KSR2: variants seen among roughly 807,000 people sequenced by gnomAD.
The protein encoded by KSR2 is kinase suppressor of ras 2.
A neutral mutation model predicts 107.8 loss-of-function variants in KSR2; 25 were observed. That is an observed-to-expected ratio of 0.23 (90% CI 0.17 to 0.32). KSR2 has a LOEUF of 0.32. Among genes scored for constraint, KSR2 ranks in the 10% least tolerant of loss-of-function variants. KSR2 has a pLI of 1.00. For synonymous variants in KSR2, 480 were observed against 507.0 expected, an observed-to-expected ratio of 0.95 and a Z score of 0.71; for missense variants, 887 against 1,268.9, an observed-to-expected ratio of 0.70 and a Z score of 4.57.
At chr12:117,569,958 T>G (rs1363918411) in intron 7 of KSR2, among the ~76,000 whole-genome samples, 2 of 151,536 alleles carry the variant, frequency 1.3e-5, no homozygotes, top group East Asian at 3.9e-4. Flanking sequence ...AGCTCTCTCC[T>G]GGGGGCAGTT....
intron 3 of KSR2, among the ~76,000 whole-genome samples, chr12:117,779,960 T>A (rs1889828156): frequency 1.3e-5 from 2 of 152,206 alleles, no homozygotes; most frequent in South Asian, 4.1e-4. Flanking sequence ...AGACACCTAC[T>A]TATACACCAG....
At chr12:117,580,263 T>G (rs1021063531) in intron 6 of KSR2, among the ~76,000 whole-genome samples, 4 of 152,184 alleles carry the variant, frequency 2.6e-5, no homozygotes, top group Admixed American at 2.0e-4. Context: ...CAAAGACACT[T>G]ACTGCCAAGA....
rs376819597 is a variant in KSR2, at chr12:117,561,438, A to G, written c.1326-2865T>C. Among the ~76,000 whole-genome samples, 52 of 152,340 alleles carry G rather than the reference A, an allele frequency of 3.4e-4. No individual in the cohort carries two copies. In the South Asian group the frequency reaches 0.011, roughly 32 times the overall value. On this transcript the variant is annotated intron_variant, in intron 7 of 19. Coordinates refer to ENST00000339824, the MANE Select transcript of KSR2 (RefSeq NM_173598.6). ...AATCCTCATAACAGCCCTAAGAAGT[A>G]GCAATTATTGTTAGTCCCATTTTAC...
intron 3 of KSR2, among the ~76,000 whole-genome samples, chr12:117,778,757 A>G (rs868394476): frequency 3.9e-5 from 6 of 152,326 alleles, no homozygotes; most frequent in African/African-American, 1.2e-4. Context: ...TGCTTGCACA[A>G]GAGAGTCCAC....
At chr12:117,893,017 A>ATTT (rs1158068448) in intron 1 of KSR2, among the ~76,000 whole-genome samples, 9 of 136,854 alleles carry the variant, frequency 6.6e-5, no homozygotes, top group African/African-American at 2.4e-4. Context: ...ACCCTGTGTA[A>ATTT]TTTTTTTTTT....
chr12:117,643,920 A>AT (rs1169804778), intron 5 of KSR2, among the ~76,000 whole-genome samples: 1 of 152,150 alleles, frequency 6.6e-6, no homozygotes, highest in Non-Finnish European at 1.5e-5. Flanking sequence ...TCCCATAAGC[A>AT]TCTGTTGAAT....
chr12:117,824,262 G>C (rs1891660902), intron 3 of KSR2, among the ~76,000 whole-genome samples: 1 of 152,012 alleles, frequency 6.6e-6, no homozygotes, highest in Admixed American at 6.6e-5. Flanking sequence ...GGCAGGGGGA[G>C]GGGGAGGGGG....
intron 4 of KSR2, among the ~76,000 whole-genome samples, chr12:117,732,492 G>T (rs1887772033): frequency 6.6e-6 from 1 of 152,064 alleles, no homozygotes; most frequent in South Asian, 2.1e-4. Flanking sequence ...GTTTCACCAT[G>T]TTGGCCAGGT....
At position 117,793,181 on chromosome 12, in the gene KSR2, C is replaced by G. The variant is rs1593241733; in HGVS notation, c.473-31657G>C. Among the ~76,000 whole-genome samples, 2 of 138,842 alleles carry G rather than the reference C, an allele frequency of 1.4e-5. 1 individual carries two copies. Among genetic ancestry groups the G allele is most frequent in the African/African-American group, 5.7e-5 (2 of 35,046 alleles). 91.1% of individuals were successfully genotyped at this position (138,842 alleles called of 152,430 possible). On this transcript the variant is annotated intron_variant, in intron 3 of 19. Coordinates refer to ENST00000339824, the MANE Select transcript of KSR2 (RefSeq NM_173598.6). ...GCACGCACACCAACATGTACACACACCAATGTGCACACATACACACCAACA... is the reference window on the plus strand; with the variant it reads ...GCACGCACACCAACATGTACACACAGCAATGTGCACACATACACACCAACA...
At chr12:117,522,299 G>A (rs1375652213) in intron 14 of KSR2, among the ~76,000 whole-genome samples, 1 of 152,076 alleles carries the variant, frequency 6.6e-6, no homozygotes, top group Non-Finnish European at 1.5e-5. Context: ...GGGAGGCATG[G>A]GGATTAGGCT....
At chr12:117,865,920 T>C (rs984894480) in intron 1 of KSR2, among the ~76,000 whole-genome samples, 1 of 152,170 alleles carries the variant, frequency 6.6e-6, no homozygotes, top group Non-Finnish European at 1.5e-5. Context: ...TAGCGAGCAC[T>C]TTCTTCTCTG....
At chr12:117,648,057 G>A (rs1311823090) in intron 5 of KSR2, among the ~76,000 whole-genome samples, 1 of 152,102 alleles carries the variant, frequency 6.6e-6, no homozygotes, top group East Asian at 1.9e-4. Context: ...GAATCAGCAA[G>A]GGACATACCA....
chr12:117,845,465 G>A (rs1018509150), intron 3 of KSR2, among the ~76,000 whole-genome samples: 1 of 152,178 alleles, frequency 6.6e-6, no homozygotes, highest in Admixed American at 6.5e-5. Context: ...CCCCAGAGAG[G>A]CTCGCTGTCA....
chr12:117,485,245 G>T (rs559668155), intron 15 of KSR2, among the ~76,000 whole-genome samples: 67 of 152,276 alleles, frequency 4.4e-4, no homozygotes, highest in Non-Finnish European at 2.5e-4. Context: ...AGTGGAGAGA[G>T]ATGGTTTCCA....
chr12:117,659,725 G>A (rs1288222237), intron 5 of KSR2, among the ~76,000 whole-genome samples: 2 of 152,148 alleles, frequency 1.3e-5, no homozygotes, highest in African/African-American at 4.8e-5. Flanking sequence ...GATTTCTGAG[G>A]CCCTTTCCAG....
chr12:117,468,452 A>G (rs1871262774), intron 19 of KSR2, among the ~76,000 whole-genome samples: 1 of 152,208 alleles, frequency 6.6e-6, no homozygotes, highest in South Asian at 2.1e-4. Context: ...CTGGGGAAGG[A>G]TAAGCCCCTG....
chr12:117,822,468 A>G (rs551688150), intron 3 of KSR2, among the ~76,000 whole-genome samples: 8 of 152,302 alleles, frequency 5.3e-5, no homozygotes, highest in African/African-American at 9.6e-5. Flanking sequence ...AAAACAAATC[A>G]TAAGTTGAAA....
intron 17 of KSR2, 33 bp from the exon 18 acceptor site, chr12:117,471,353 G>A: frequency 6.2e-7 from 1 of 1,604,330 alleles, no homozygotes; most frequent in South Asian, 1.1e-5. Context: ...GGGTGTTGGT[G>A]TGGTGTGTCA....
chr12:117,845,616 G>A (rs978079267), intron 3 of KSR2, among the ~76,000 whole-genome samples: 3 of 152,112 alleles, frequency 2.0e-5, no homozygotes, highest in Non-Finnish European at 4.4e-5. Flanking sequence ...TCTATAATCC[G>A]GGTGAGCTGA....
Sources: gnomAD v4.1 joint callset for allele counts (sites outside exome capture counted in the v4.1 genomes callset) on GRCh38, gnomAD v4.1.1 for gene constraint, MANE v1.5 for transcripts, NCBI Gene and HGNC (gene_info 2026-07-23, HGNC 2026-07-21) for gene names.